Variants in F8 observed in about 807,000 individuals in gnomAD.
The protein encoded by F8 is coagulation factor VIII.
A neutral mutation model predicts 140.6 loss-of-function variants in F8; 12 were observed. That is an observed-to-expected ratio of 0.09 (90% CI 0.05 to 0.14). The LOEUF (loss-of-function observed/expected upper bound fraction) is 0.14, where lower values mean the gene tolerates loss of function less well. Among genes scored for constraint, F8 ranks in the 10% least tolerant of loss-of-function variants. F8 has a pLI of 1.00. For synonymous variants in F8, 585 were observed against 614.6 expected (o/e 0.95, Z 0.71); for missense variants, 1,354 against 1,720.7 (o/e 0.79, Z 3.77).
At chrX:154,885,975 G>A (rs2072890387) in intron 22 of F8, among the ~76,000 whole-genome samples, 1 of 8,848 alleles carries the variant, frequency 1.1e-4, no homozygotes, top group Admixed American at 6.4e-4. Flanking sequence ...GGGGGGGGGG[G>A]GGGACAACAG....
Position 154,987,200 on chromosome X carries a change from T to C in F8, c.670+37A>G, listed in dbSNP as rs782488916. 1.1e-4 allele frequency: 120 copies of C among 1,087,673 alleles called. No homozygotes were observed. The Admixed American group carries it at 2.6e-3, about 23-fold the overall frequency. The allele number at this position is 1,087,673 out of a possible 1,213,427, so 89.6% of individuals were successfully genotyped here. On this transcript the variant is annotated intron_variant, in intron 5 of 25. Coordinates refer to ENST00000360256, the MANE Select transcript of F8 (RefSeq NM_000132.4). ...CCTCTTAATAGTAGCAGAGGATTTC[T>C]TTCAGGAATCCAAAATTCAGATTAA... is the stretch of plus-strand genomic sequence containing the variant.
intron 25 of F8, among the ~76,000 whole-genome samples, chrX:154,839,227 G>A (rs1354362098): frequency 9.1e-6 from 1 of 109,473 alleles, no homozygotes; most frequent in Non-Finnish European, 1.9e-5. Context: ...TCGGGTCTCA[G>A]TTTAAATACC....
chrX:154,861,142 C>T (rs926718251), intron 24 of F8, among the ~76,000 whole-genome samples: 1 of 110,634 alleles, frequency 9.0e-6, no homozygotes, highest in African/African-American at 3.3e-5. Flanking sequence ...CTGCAACCTC[C>T]GCCTCCCAGG....
chrX:154,956,554 G>A (rs1023408414), intron 11 of F8, among the ~76,000 whole-genome samples: 14 of 111,878 alleles, frequency 1.3e-4, no homozygotes, highest in Non-Finnish European at 3.8e-5. Context: ...CCCTCTGTTC[G>A]GGGTCCCTGA....
In F8 at chrX:154,837,495, C is replaced by G. The variant is rs781966813; in HGVS notation, c.*102G>C. The G allele has an allele frequency of 1.0e-6, 1 of 975,153 alleles. No individual in the cohort carries two copies. The highest frequency in any genetic ancestry group is 1.9e-5 in the African/African-American group (1 of 51,900). The allele number at this position is 975,153 out of a possible 1,213,427, so 80.4% of individuals were successfully genotyped here. ...TCAGGAGGCTTCAAGGCAGTGTCTG[C>G]TAGGATTTAGCACAAAGGTAGAAGG... On this transcript the variant is annotated 3_prime_UTR_variant, in exon 26 of 26. Coordinates refer to ENST00000360256, the MANE Select transcript of F8 (RefSeq NM_000132.4).
chrX:154,983,508 C>T (rs1397489318), intron 6 of F8, among the ~76,000 whole-genome samples: 2 of 110,954 alleles, frequency 1.8e-5, no homozygotes, highest in African/African-American at 6.6e-5. Context: ...GATGAAGGTG[C>T]CAGTTGGGAC....
intron 3 of F8, among the ~76,000 whole-genome samples, chrX:154,995,644 C>G (rs1220301723): frequency 8.9e-6 from 1 of 111,744 alleles, no homozygotes; most frequent in Admixed American, 9.5e-5. Context: ...TAATGCAAAC[C>G]ACATATGTAA....
chrX:154,932,975 C>T (rs1557278953), intron 13 of F8, among the ~76,000 whole-genome samples: 1 of 111,461 alleles, frequency 9.0e-6, no homozygotes, highest in Non-Finnish European at 1.9e-5. Flanking sequence ...AGATTCTCGT[C>T]AAACTAGTTA....
At chrX:154,918,205 G>A (rs1419461901) in intron 14 of F8, among the ~76,000 whole-genome samples, 4 of 111,534 alleles carry the variant, frequency 3.6e-5, no homozygotes. Context: ...TTCCCGATTT[G>A]GGGGAGGTCC....
intron 5 of F8, 88 bp from the exon 6 acceptor site, chrX:154,984,891 T>C: frequency 1.4e-6 from 1 of 706,625 alleles, no homozygotes; most frequent in Non-Finnish European, 2.3e-6. Context: ...GCTCCCAGTG[T>C]GCTCACACCT....
chrX:154,944,994 G>T (rs1557280184), intron 13 of F8, among the ~76,000 whole-genome samples: 2 of 109,825 alleles, frequency 1.8e-5, no homozygotes, highest in African/African-American at 6.7e-5. Context: ...ACAGGAAGGG[G>T]AACATCACAC....
chrX:154,875,281 C>G (rs1557273901), intron 22 of F8, among the ~76,000 whole-genome samples: 2 of 111,152 alleles, frequency 1.8e-5, no homozygotes, highest in Non-Finnish European at 3.8e-5. Flanking sequence ...TAAATTAGTT[C>G]TGGAGATCTA....
At chrX:154,861,081 G>C (rs1557272828) in intron 24 of F8, among the ~76,000 whole-genome samples, 4 of 109,448 alleles carry the variant, frequency 3.7e-5, no homozygotes, top group African/African-American at 1.3e-4. Flanking sequence ...CTTTCAGACA[G>C]AGTCAGGCAC....
intron 14 of F8, among the ~76,000 whole-genome samples, chrX:154,907,331 T>C (rs890387263): frequency 1.1e-4 from 12 of 112,245 alleles, no homozygotes; most frequent in African/African-American, 3.2e-4. Flanking sequence ...CCCATTGTTG[T>C]ATAGTATTAT....
chrX:155,005,854 A>G (rs1315236229), intron 1 of F8, among the ~76,000 whole-genome samples: 6 of 111,724 alleles, frequency 5.4e-5, no homozygotes, highest in Non-Finnish European at 9.4e-5. Flanking sequence ...AACTTGCCTC[A>G]ATAGAGAACA....
At chrX:154,936,804 A>C (rs1557279277) in intron 13 of F8, among the ~76,000 whole-genome samples, 1 of 111,848 alleles carries the variant, frequency 8.9e-6, no homozygotes, top group African/African-American at 3.2e-5. Context: ...TGGGCCATTA[A>C]TCAAATTAAA....
At chrX:154,892,375 C>T (rs1288035869) in intron 22 of F8, among the ~76,000 whole-genome samples, 1 of 112,371 alleles carries the variant, frequency 8.9e-6, no homozygotes, top group Non-Finnish European at 1.9e-5. Context: ...TCAGGTAATG[C>T]TACGTTTGTT....
chrX:154,966,601 C>T lies in F8; in HGVS notation c.1096G>A (p.Asp366Asn), dbSNP rs2073425535. The T allele has an allele frequency of 1.7e-6, 2 of 1,209,079 alleles. No homozygotes were observed. Among genetic ancestry groups the T allele is most frequent in the Non-Finnish European group, 1.1e-6 (1 of 894,650 alleles). ...MKNNEEAEDYDDDLTDSEMDV... is the reference protein window; with the variant it reads ...MKNNEEAEDYNDDLTDSEMDV... ...ATTTCAGAATCAGTAAGATCATCAT[C>T]ATAGTCTTCCGCTTCTTCATTATTT... The change falls in exon 8 of 26, where the codon GAT becomes AAT. Residue 366 changes from aspartate (D) to asparagine (N), a missense_variant. By Grantham distance (23) the Asp-to-Asn change is conservative (BLOSUM62 1). This residue lies in a region of F8 where 252 missense variants were observed against 338.5 expected (regional missense o/e 0.74). Transcript: ENST00000360256.
chrX:154,912,163 G>A (rs1229797562), intron 14 of F8, among the ~76,000 whole-genome samples: 1 of 111,898 alleles, frequency 8.9e-6, no homozygotes, highest in Non-Finnish European at 1.9e-5. Flanking sequence ...CCTTCACTTT[G>A]TTAATTGATT....
Sources: gnomAD v4.1 joint callset for allele counts (sites outside exome capture counted in the v4.1 genomes callset) on GRCh38, gnomAD v4.1.1 for gene constraint, gnomAD v4.1.1 regional missense constraint, MANE v1.5 for transcripts, NCBI Gene and HGNC (gene_info 2026-07-23, HGNC 2026-07-21) for gene names.